The following BCL2L13 variants were observed in gnomAD, a reference collection of about 807,000 sequenced individuals.
The protein encoded by BCL2L13 is BCL2 like 13, also known as bcl-2-like protein 13.
Under a neutral mutation model 25.8 loss-of-function variants are expected in BCL2L13, and 13 were observed. That is an observed-to-expected ratio of 0.50 (90% CI 0.33 to 0.80). The LOEUF (loss-of-function observed/expected upper bound fraction) is 0.80, where lower values mean the gene tolerates loss of function less well. BCL2L13 is among the 30% of genes least tolerant of loss of function. The pLI is 0.02. For missense variants in BCL2L13, 504 were observed against 574.9 expected (o/e 0.88, Z 1.26); for synonymous variants, 244 against 230.3 (o/e 1.06, Z -0.54).
intron 4 of BCL2L13, among the ~76,000 whole-genome samples, chr22:17,691,367 C>A (rs1462991348): frequency 6.6e-6 from 1 of 152,062 alleles, no homozygotes; most frequent in Non-Finnish European, 1.5e-5. Flanking sequence ...TTTGTCCTGG[C>A]TGGGCGCGGT....
chr22:17,670,933 A>G (rs1488790470), intron 2 of BCL2L13, among the ~76,000 whole-genome samples: 4 of 152,136 alleles, frequency 2.6e-5, no homozygotes, highest in Non-Finnish European at 5.9e-5. Context: ...GAAAACTGCA[A>G]TCATGATTGG....
chr22:17,635,588 A>G (rs370931337), upstream of BCL2L13, among the ~76,000 whole-genome samples: 3 of 152,278 alleles, frequency 2.0e-5, no homozygotes, highest in African/African-American at 7.2e-5. Context: ...TAGTCTCAAA[A>G]TATATATTCA....
At chr22:17,660,296 G>A (rs1306051276) in intron 2 of BCL2L13, among the ~76,000 whole-genome samples, 1 of 146,366 alleles carries the variant, frequency 6.8e-6, no homozygotes, top group African/African-American at 2.4e-5. Flanking sequence ...AAGAATGTTC[G>A]AAGAAACAAG....
At chr22:17,719,405 G>A (rs1455384603) in intron 6 of BCL2L13, among the ~76,000 whole-genome samples, 1 of 151,938 alleles carries the variant, frequency 6.6e-6, no homozygotes, top group East Asian at 1.9e-4. Flanking sequence ...CATATGATCT[G>A]GCAGTTTTAC....
At chr22:17,686,435 G>A (rs1345007505) in intron 3 of BCL2L13, among the ~76,000 whole-genome samples, 1 of 151,844 alleles carries the variant, frequency 6.6e-6, no homozygotes, top group Non-Finnish European at 1.5e-5. Flanking sequence ...GGGTGACAGA[G>A]TGAGACCATT....
intron 1 of BCL2L13, among the ~76,000 whole-genome samples, chr22:17,649,746 A>AC (rs1219221124): frequency 1.4e-5 from 2 of 141,910 alleles, no homozygotes; most frequent in African/African-American, 2.6e-5. Flanking sequence ...TAGGTGATGC[A>AC]CCCGCCTCGG....
chr22:17,655,960 G>C (rs117149319), intron 2 of BCL2L13, 128 bp downstream of exon 2: 51,622 of 986,532 alleles, frequency 0.052, 1,528 homozygotes, highest in Middle Eastern at 0.062. Flanking sequence ...TAACCTGTTA[G>C]GGCTGGGCGC....
intron 6 of BCL2L13, among the ~76,000 whole-genome samples, chr22:17,704,047 G>A (rs1264867481): frequency 6.6e-6 from 1 of 152,180 alleles, no homozygotes; most frequent in African/African-American, 2.4e-5. Flanking sequence ...TCCAGTATCT[G>A]TGCCAAAAGA....
chr22:17,650,162 G>A (rs35372828), intron 1 of BCL2L13, among the ~76,000 whole-genome samples: 21,227 of 152,108 alleles, frequency 0.14, 2,037 homozygotes, highest in Non-Finnish European at 0.21. Flanking sequence ...GAGCCACTGC[G>A]CCCGGCTGAC....
chr22:17,642,039 T>C (rs2058308188), intron 1 of BCL2L13, among the ~76,000 whole-genome samples: 1 of 151,848 alleles, frequency 6.6e-6, no homozygotes, highest in African/African-American at 2.4e-5. Flanking sequence ...GACCTTATTA[T>C]CTGCCCATGT....
At chr22:17,677,669 C>A (rs1027336331) in intron 2 of BCL2L13, among the ~76,000 whole-genome samples, 4 of 152,034 alleles carry the variant, frequency 2.6e-5, no homozygotes, top group African/African-American at 9.7e-5. Context: ...GTCAGGAGAT[C>A]GAGACCATCC....
upstream of BCL2L13, among the ~76,000 whole-genome samples, chr22:17,637,198 G>A (rs1568909083): frequency 3.3e-5 from 5 of 151,914 alleles, no homozygotes; most frequent in Admixed American, 6.6e-5. Context: ...CCTGAAGTCA[G>A]GAGTTCAAGA....
chr22:17,638,777 C>T lies in BCL2L13; in HGVS notation c.-160C>T, dbSNP rs968942080. 4.9e-6 allele frequency: 6 copies of T among 1,231,688 alleles called. No individual in the cohort carries two copies. The highest frequency in any genetic ancestry group is 5.1e-6 in the Non-Finnish European group (5 of 987,948). 76.3% of individuals were successfully genotyped at this position (1,231,688 alleles called of 1,614,324 possible). Reference sequence around the variant, plus strand: ...ACCTCACCCTCCAACATGGCGGCGGCGGTAGATTAGGGCCGCGGGTCGGAG... The same window carrying T: ...ACCTCACCCTCCAACATGGCGGCGGTGGTAGATTAGGGCCGCGGGTCGGAG... On this transcript the variant is annotated 5_prime_UTR_variant, in exon 1 of 7. Transcript: ENST00000317582.
chr22:17,683,242 T>C lies in BCL2L13; in HGVS notation c.150T>C (p.Ser50=). The change falls in exon 3 of 7, where the codon TCT becomes TCC. Residue 50 remains serine (S), a synonymous_variant. Coordinates refer to ENST00000317582, the MANE Select transcript of BCL2L13 (RefSeq NM_015367.4). ...QGVQLDIASQ[S]LDQEILLKVK... ...TTCAACTAGATATAGCTTCACAATC[T>C]CTGGATCAAGAAATTTTATTAAAAG... The C allele has an allele frequency of 6.3e-7, 1 of 1,589,472 alleles. No homozygotes were observed. The highest frequency in any genetic ancestry group is 8.6e-7 in the Non-Finnish European group (1 of 1,163,558).
At chr22:17,690,174 A>T (rs925245859) in intron 4 of BCL2L13, among the ~76,000 whole-genome samples, 2 of 151,704 alleles carry the variant, frequency 1.3e-5, no homozygotes, top group African/African-American at 4.8e-5. Flanking sequence ...AAAAATACAA[A>T]AATTAGCTGA....
At chr22:17,687,428 A>G (rs1420724960) in intron 3 of BCL2L13, among the ~76,000 whole-genome samples, 3 of 151,980 alleles carry the variant, frequency 2.0e-5, no homozygotes, top group African/African-American at 4.8e-5. Flanking sequence ...TGCAGTCTTG[A>G]CTTCCTGGAC....
intron 6 of BCL2L13, among the ~76,000 whole-genome samples, chr22:17,710,486 A>G (rs1398672954): frequency 6.6e-6 from 1 of 152,144 alleles, no homozygotes; most frequent in Non-Finnish European, 1.5e-5. Context: ...AGGCTGAGGC[A>G]GGGGAATCGC....
chr22:17,654,671 G>A (rs543242169), intron 1 of BCL2L13, among the ~76,000 whole-genome samples: 9 of 151,882 alleles, frequency 5.9e-5, no homozygotes, highest in African/African-American at 1.4e-4. Context: ...TGATCCGCCC[G>A]CCTCGGCCTC....
intron 1 of BCL2L13, among the ~76,000 whole-genome samples, chr22:17,642,519 CAG>C (rs2058329493): frequency 6.6e-6 from 1 of 152,006 alleles, no homozygotes; most frequent in Admixed American, 6.6e-5. Context: ...TAGTGTGTAT[CAG>C]TACTTTATTC....
Sources: allele counts gnomAD v4.1 joint callset (sites outside exome capture counted in the v4.1 genomes callset), GRCh38; gene constraint gnomAD v4.1.1; transcripts MANE v1.5; gene names NCBI Gene and HGNC (gene_info 2026-07-23, HGNC 2026-07-21).